Variants in MPRIP observed in about 807,000 individuals in gnomAD.
MPRIP encodes the protein myosin phosphatase Rho interacting protein.
In MPRIP, 59 loss-of-function variants were observed where a neutral mutation model predicts 234.9. The observed-to-expected ratio is 0.25, with a 90% CI of 0.20 to 0.31. The LOEUF is 0.31. Among genes scored for constraint, MPRIP ranks in the 10% least tolerant of loss-of-function variants. The pLI is 1.00. For missense variants in MPRIP, 2,436 were observed against 3,071.0 expected, an observed-to-expected ratio of 0.79 and a Z score of 4.89; for synonymous variants, 1,144 against 1,263.9, an observed-to-expected ratio of 0.91 and a Z score of 2.01.
At position 17,143,513 on chromosome 17, in the gene MPRIP, A is replaced by G. The variant is rs752662380; in HGVS notation, c.1390-43A>G. 6 of 1,345,520 alleles carry G rather than the reference A, an allele frequency of 4.5e-6. No homozygotes were observed. In the South Asian group the frequency reaches 7.2e-5, roughly 16 times the overall value. The allele number at this position is 1,345,520 out of a possible 1,614,324, so 83.3% of individuals were successfully genotyped here. On this transcript the variant is annotated intron_variant, in intron 8 of 23. Coordinates refer to ENST00000651222, the MANE Select transcript of MPRIP (RefSeq NM_001364716.4). ...ACCAGCTCGTCCCTCACATGCCCAC[A>G]TTGCCCTGGGCTGCACTGACCAGCG...
At chr17:17,049,486 ATC>A (rs2088463468) in intron 1 of MPRIP, among the ~76,000 whole-genome samples, 3 of 152,152 alleles carry the variant, frequency 2.0e-5, no homozygotes, top group Admixed American at 1.3e-4. Context: ...TGGAGTGAAT[ATC>A]TGATTGTTTC....
intron 14 of MPRIP, 103 bp downstream of exon 14, chr17:17,159,105 C>T (rs1201814296): frequency 3.0e-5 from 37 of 1,234,416 alleles, no homozygotes; most frequent in Non-Finnish European, 3.6e-5. Flanking sequence ...CAGTCCTACC[C>T]GCGAGGGACT....
At chr17:17,169,085 ATT>A (rs921002855) in intron 16 of MPRIP, 49 of 438,838 alleles carry the variant, frequency 1.1e-4, no homozygotes, top group African/African-American at 9.6e-4. Flanking sequence ...CTTTTTCACC[ATT>A]CTTTCCCCAA....
At chr17:17,104,684 G>A (rs2090029595) in intron 3 of MPRIP, among the ~76,000 whole-genome samples, 1 of 152,148 alleles carries the variant, frequency 6.6e-6, no homozygotes, top group Non-Finnish European at 1.5e-5. Context: ...TCTGCTCCTT[G>A]CCTCCCCCTC....
At chr17:17,096,491 G>T (rs1416654084) in intron 3 of MPRIP, among the ~76,000 whole-genome samples, 2 of 152,152 alleles carry the variant, frequency 1.3e-5, no homozygotes, top group Non-Finnish European at 2.9e-5. Context: ...AGATTCTTCT[G>T]GTTGGAAACC....
Position 17,172,756 on chromosome 17 carries a change from C to T in MPRIP, c.6531C>T (p.Ser2177=). Residue 2177 remains serine, a synonymous_variant, in exon 18 of 24, where the codon AGC becomes AGT. Transcript: ENST00000651222. The part of the protein sequence containing the change: ...REEMERELEK[S]QRSQISSVNS... Reference sequence around the variant, plus strand: ...AAATGGAGCGGGAGCTGGAGAAGAGCCAGCGGTCCCAGATCAGCAGCGTCA... The same window carrying T: ...AAATGGAGCGGGAGCTGGAGAAGAGTCAGCGGTCCCAGATCAGCAGCGTCA... The T allele has an allele frequency of 1.2e-6, 2 of 1,612,326 alleles. No homozygotes were observed. The highest frequency in any genetic ancestry group is 8.5e-7 in the Non-Finnish European group (1 of 1,180,008).
intron 1 of MPRIP, among the ~76,000 whole-genome samples, chr17:17,073,961 G>T (rs1218050123): frequency 1.3e-5 from 2 of 152,210 alleles, no homozygotes; most frequent in African/African-American, 4.8e-5. Context: ...AGCTCCACTT[G>T]CACCATTCAT....
At chr17:17,128,845 A>T (rs2144405147) in intron 4 of MPRIP, among the ~76,000 whole-genome samples, 1 of 152,160 alleles carries the variant, frequency 6.6e-6, no homozygotes, top group African/African-American at 2.4e-5. Flanking sequence ...GCCCTCGCTG[A>T]CAGCCCCCTT....
chr17:17,174,987 C>T (rs1160511316), intron 19 of MPRIP, among the ~76,000 whole-genome samples: 1 of 152,192 alleles, frequency 6.6e-6, no homozygotes, highest in Non-Finnish European at 1.5e-5. Flanking sequence ...CCCTTTCTCA[C>T]CTGAGGCCTT....
At chr17:17,129,808 T>G (rs996782831) in intron 4 of MPRIP, among the ~76,000 whole-genome samples, 3 of 152,180 alleles carry the variant, frequency 2.0e-5, no homozygotes, top group African/African-American at 7.2e-5. Flanking sequence ...CACACCTTGG[T>G]GAAGTTTTAA....
intron 2 of MPRIP, 66 bp from the exon 3 acceptor site, chr17:17,077,945 C>G: frequency 6.5e-7 from 1 of 1,546,588 alleles, no homozygotes; most frequent in Non-Finnish European, 8.9e-7. Flanking sequence ...CGTGGGAACT[C>G]CAGAAGCCAA....
At chr17:17,119,104 A>G (rs1317370837) in intron 3 of MPRIP, among the ~76,000 whole-genome samples, 1 of 152,170 alleles carries the variant, frequency 6.6e-6, no homozygotes, top group Non-Finnish European at 1.5e-5. Flanking sequence ...AGGGGCGCCT[A>G]GGAACTCAGC....
At position 17,187,422 on chromosome 17, in the gene MPRIP, C is replaced by T. The variant is rs930081803; in HGVS notation, c.*2528C>T. 9.2e-5 allele frequency: 14 copies of T among 152,266 alleles called. No individual in the cohort carries two copies. Among genetic ancestry groups the T allele is most frequent in the African/African-American group, 2.9e-4 (12 of 41,456 alleles). 9.4% of individuals were successfully genotyped at this position (152,266 alleles called of 1,614,324 possible). ...CTCCTGAAAATGCCCTGGGCCTGTC[C>T]TGGCGTTTCTGAAGAGCCCTCATAC... On this transcript the variant is annotated 3_prime_UTR_variant, in exon 24 of 24. Coordinates refer to ENST00000651222, the MANE Select transcript of MPRIP (RefSeq NM_001364716.4).
rs115716431 is a variant in MPRIP, at chr17:17,089,860, C to T, written c.267+11784C>T. Among the ~76,000 whole-genome samples, 927 of 152,308 alleles carry T rather than the reference C, an allele frequency of 6.1e-3. 14 individuals carry two copies. The highest frequency in any genetic ancestry group is 0.021 in the African/African-American group (880 of 41,544). ...AGGACCTGGAAGAGCCAGCCCCGTC[C>T]TCAGTTGGGGGCGATGGAGAAGTGG... On this transcript the variant is annotated intron_variant, in intron 3 of 23. Transcript: ENST00000651222.
At chr17:17,115,168 C>T (rs2090259199) in intron 3 of MPRIP, among the ~76,000 whole-genome samples, 1 of 152,252 alleles carries the variant, frequency 6.6e-6, no homozygotes, top group South Asian at 2.1e-4. Context: ...CATGCACTGT[C>T]TCTGGGGCCA....
At chr17:17,162,751 A>G (rs1305501634) in intron 15 of MPRIP, among the ~76,000 whole-genome samples, 1 of 152,214 alleles carries the variant, frequency 6.6e-6, no homozygotes, top group Admixed American at 6.5e-5. Flanking sequence ...CCAAAACTGA[A>G]CGCTGACATT....
intron 14 of MPRIP, 41 bp from the exon 15 acceptor site, chr17:17,161,189 TTTGTTTATCA>T: frequency 7.3e-7 from 1 of 1,368,408 alleles, no homozygotes; most frequent in Non-Finnish European, 1.0e-6. Flanking sequence ...GTGCAGCTGC[TTTGTTTATCA>T]TTGTCATTTT....
rs1015493474 is a variant in MPRIP, at chr17:17,167,277, C to T, written c.5686C>T (p.Arg1896Cys). The T allele has an allele frequency of 2.6e-5, 34 of 1,303,796 alleles. No homozygotes were observed. Among genetic ancestry groups the T allele is most frequent in the Middle Eastern group, 2.1e-4 (1 of 4,718 alleles). The allele number at this position is 1,303,796 out of a possible 1,614,324, so 80.8% of individuals were successfully genotyped here. The change falls in exon 16 of 24, where the codon CGC becomes TGC. Residue 1896 changes from arginine (R) to cysteine (C), a missense_variant. Transcript: ENST00000651222. The surrounding 1 kb of genome is among the most constrained non-coding windows in gnomAD (Gnocchi z 5.9). The part of the protein sequence containing the change: ...ALREEYEELL[R>C]KQKSEYLDVI... ...GAGGGAGGAGTATGAGGAGCTTCTC[C>T]GCAAGCAGAAGAGCGAGTACCTGGA...
rs1448160188 is a variant in MPRIP at position 17,165,839 on chromosome 17, C to T, written c.4248C>T (p.Leu1416=). Residue 1416 remains leucine, a synonymous_variant, in exon 16 of 24, where the codon CTC becomes CTT. Coordinates refer to ENST00000651222, the MANE Select transcript of MPRIP (RefSeq NM_001364716.4). ...SQQGQSREAL[L]ALHHQWAGTE... is the part of the protein sequence containing the mutation. Reference sequence around the variant, plus strand: ...AGGGTCAGAGCCGTGAGGCACTGCTCGCACTGCACCACCAGTGGGCGGGCA... The same window carrying T: ...AGGGTCAGAGCCGTGAGGCACTGCTTGCACTGCACCACCAGTGGGCGGGCA... 17 of 1,304,140 alleles carry T rather than the reference C, an allele frequency of 1.3e-5. No individual in the cohort carries two copies. The highest frequency in any genetic ancestry group is 3.7e-5 in the South Asian group (3 of 81,036). The allele number at this position is 1,304,140 out of a possible 1,614,324, so 80.8% of individuals were successfully genotyped here. A position where few individuals can be genotyped will look rare whatever the true frequency, so the allele number is the denominator to read the frequency against.
Sources: allele counts gnomAD v4.1 joint callset (sites outside exome capture counted in the v4.1 genomes callset), GRCh38; gene constraint gnomAD v4.1.1; non-coding constraint Gnocchi (gnomAD v3.1); transcripts MANE v1.5; gene names NCBI Gene and HGNC (gene_info 2026-07-23, HGNC 2026-07-21).